ACOX1: variants seen among roughly 807,000 people sequenced by gnomAD.
ACOX1 encodes the protein peroxisomal acyl-coenzyme A oxidase 1.
A neutral mutation model predicts 75.5 loss-of-function variants in ACOX1; 41 were observed. The observed-to-expected ratio is 0.54, with a 90% CI of 0.42 to 0.70. The LOEUF is 0.70. Ranked by LOEUF, ACOX1 falls within the 30% of genes least tolerant of loss-of-function variation. ACOX1 has a pLI of 0.00. For synonymous variants in ACOX1, 303 were observed against 298.8 expected (o/e 1.01, Z -0.15); for missense variants, 630 against 837.5 (o/e 0.75, Z 3.06).
In ACOX1 at chr17:75,943,610, C is replaced by T. The variant is rs1211491541; in HGVS notation, c.*3138G>A. On this transcript the variant is annotated 3_prime_UTR_variant, in exon 14 of 14. Transcript: ENST00000293217. ...TTCAGGTGTATGTGATCTGAAATTA[C>T]AAGTGGTGACTTCTCAGAAAGCATA... The T allele has an allele frequency of 6.6e-6, 1 of 152,210 alleles. No individual in the cohort carries two copies. The highest frequency in any genetic ancestry group is 2.4e-5 in the African/African-American group (1 of 41,460). The allele number at this position is 152,210 out of a possible 1,614,324, so 9.4% of individuals were successfully genotyped here. A position where few individuals can be genotyped will look rare whatever the true frequency, so the allele number is the denominator to read the frequency against.
intron 2 of ACOX1, among the ~76,000 whole-genome samples, chr17:75,970,526 G>C (rs188707421): frequency 1.3e-5 from 2 of 152,290 alleles, no homozygotes; most frequent in Admixed American, 1.3e-4. Flanking sequence ...ACTCTAGAAA[G>C]AAGGATAATG....
chr17:75,953,496 G>A lies in ACOX1; in HGVS notation c.899C>T (p.Ala300Val). 6.2e-7 allele frequency: 1 copy of A among 1,614,138 alleles called. No homozygotes were observed. The highest frequency in any genetic ancestry group is 8.5e-7 in the Non-Finnish European group (1 of 1,179,994). Residue 300 changes from alanine to valine, a missense_variant, in exon 7 of 14, where the codon GCC (alanine) becomes GTC (valine). This residue lies in a region of ACOX1 where 390 missense variants were observed against 574.9 expected (regional missense o/e 0.68). Coordinates refer to ENST00000293217, the MANE Select transcript of ACOX1 (RefSeq NM_004035.7). ...ARALSKACTI[A>V]IRYSAVRHQS... ...GTGCCTCACAGCGCTGTATCGGATG[G>A]CAATGGTGCACGCCTTAGACAGAGC...
In ACOX1 at chr17:75,942,311, A is replaced by G. The variant is rs2065678475; in HGVS notation, c.*4437T>C. On this transcript the variant is annotated 3_prime_UTR_variant, in exon 14 of 14. Coordinates refer to ENST00000293217, the MANE Select transcript of ACOX1 (RefSeq NM_004035.7). ...GACAGGCATGGTGGCAGGCGCTGTA[A>G]TCCCAGCTTCTCAGGAGGCTGAGGC... 6.6e-6 allele frequency: 1 copy of G among 151,810 alleles called. No homozygotes were observed. 9.4% of individuals were successfully genotyped at this position (151,810 alleles called of 1,614,324 possible). A position where few individuals can be genotyped will look rare whatever the true frequency, so the allele number is the denominator to read the frequency against.
At chr17:75,975,050 C>CAAAAAAAAAAA (rs1022347068) in intron 2 of ACOX1, among the ~76,000 whole-genome samples, 2 of 40,268 alleles carry the variant, frequency 5.0e-5, no homozygotes, top group Non-Finnish European at 9.5e-5. Flanking sequence ...ACTCTGTCTC[C>CAAAAAAAAAAA]AAAAAAAAAA....
chr17:75,952,431 A>G (rs932441644), intron 7 of ACOX1, among the ~76,000 whole-genome samples: 1 of 151,538 alleles, frequency 6.6e-6, no homozygotes, highest in African/African-American at 2.4e-5. Context: ...AGTAGCTGGA[A>G]TTACAGGCAC....
At position 75,942,658 on chromosome 17, in the gene ACOX1, CCTCT is replaced by C. The variant is rs1321201968; in HGVS notation, c.*4086_*4089del. 1.3e-5 allele frequency: 2 copies of C among 152,054 alleles called. No individual in the cohort carries two copies. Among genetic ancestry groups the C allele is most frequent in the Non-Finnish European group, 2.9e-5 (2 of 68,030 alleles). The allele number at this position is 152,054 out of a possible 1,614,324, so 9.4% of individuals were successfully genotyped here. A position where few individuals can be genotyped will look rare whatever the true frequency, so the allele number is the denominator to read the frequency against. On this transcript the variant is annotated 3_prime_UTR_variant, in exon 14 of 14. Transcript: ENST00000293217. ...AGGTCATCAGTTTCCTGGCACTCCT[CCTCT>C]CTCTAGCTGTAGTAGCAGCTACTGC...
At chr17:75,965,063 G>A (rs1183380579) in intron 2 of ACOX1, among the ~76,000 whole-genome samples, 3 of 152,118 alleles carry the variant, frequency 2.0e-5, no homozygotes, top group South Asian at 2.1e-4. Context: ...GCACTCAGGC[G>A]TGGTGGCTCA....
rs4267337 is a variant in ACOX1, at chr17:75,956,169, G to A, written c.539-222C>T. Among the ~76,000 whole-genome samples the A allele has an allele frequency of 0.067, 10,229 of 152,034 alleles. 1,037 individuals are homozygous for A. The highest frequency in any genetic ancestry group is 0.22 in the African/African-American group (9,200 of 41,452). The stretch of plus-strand genomic sequence containing the variant: ...TTCTACTTATTTCTCATACATTTAC[G>A]TAGAGAAAATTTTAGGATAAAAATA... On this transcript the variant is annotated intron_variant, in intron 4 of 13. Coordinates refer to ENST00000293217, the MANE Select transcript of ACOX1 (RefSeq NM_004035.7).
intron 3 of ACOX1, among the ~76,000 whole-genome samples, chr17:75,958,670 T>C (rs1404025697): frequency 6.6e-6 from 1 of 151,784 alleles, no homozygotes; most frequent in Non-Finnish European, 1.5e-5. Context: ...TAGCTGGGCA[T>C]GGTGGTGGGT....
intron 2 of ACOX1, among the ~76,000 whole-genome samples, chr17:75,961,292 C>CAAA (rs34895245): frequency 3.0e-4 from 20 of 65,748 alleles, no homozygotes; most frequent in Non-Finnish European, 6.2e-4. Flanking sequence ...GACTCCATCT[C>CAAA]AAAAAAAAAA....
At position 75,942,052 on chromosome 17, in the gene ACOX1, ACT is replaced by A. The variant is rs2065675065; in HGVS notation, c.*4694_*4695del. Reference sequence around the variant, plus strand: ...CATATGCAACAGCTAACATCTGGTAACTCTAATAATGTTCCTTATATGTTTCT... The same window carrying A: ...CATATGCAACAGCTAACATCTGGTAACTAATAATGTTCCTTATATGTTTCT... On this transcript the variant is annotated 3_prime_UTR_variant, in exon 14 of 14. Coordinates refer to ENST00000293217, the MANE Select transcript of ACOX1 (RefSeq NM_004035.7). The A allele has an allele frequency of 6.6e-6, 1 of 152,196 alleles. No homozygotes were observed. Among genetic ancestry groups the A allele is most frequent in the East Asian group, 1.9e-4 (1 of 5,198 alleles). 9.4% of individuals were successfully genotyped at this position (152,196 alleles called of 1,614,324 possible).
chr17:75,955,681 C>T lies in ACOX1; in HGVS notation c.659G>A (p.Gly220Glu). ...REIGTHKPLP[G>E]ITVGDIGPKF... The stretch of plus-strand genomic sequence containing the variant: ...GGGGCCGATGTCACCAACGGTAATT[C>T]CTACCACAGATGAAAGGACAGTCAC... The change falls in exon 6 of 14, where the codon GGA (glycine) becomes GAA (glutamate). Residue 220 changes from glycine (G) to glutamate (E), a missense_variant and splice_region_variant. Coordinates refer to ENST00000293217, the MANE Select transcript of ACOX1 (RefSeq NM_004035.7). 6.2e-7 allele frequency: 1 copy of T among 1,613,702 alleles called. No individual in the cohort carries two copies. The highest frequency in any genetic ancestry group is 1.1e-5 in the South Asian group (1 of 91,078).
chr17:75,957,008 T>TATATACAC (rs1555617568), intron 4 of ACOX1, among the ~76,000 whole-genome samples: 6 of 110,200 alleles, frequency 5.4e-5, no homozygotes, highest in African/African-American at 2.2e-4. Flanking sequence ...TATATATATA[T>TATATACAC]ACACACACAC....
intron 6 of ACOX1, among the ~76,000 whole-genome samples, chr17:75,954,534 A>AGG (rs374978251): frequency 0.041 from 5,780 of 142,620 alleles, 487 homozygotes; most frequent in African/African-American, 0.14. Context: ...AAAAAAAAAA[A>AGG]GGGGCATCAG....
intron 6 of ACOX1, among the ~76,000 whole-genome samples, chr17:75,954,299 TC>T (rs1307737092): frequency 6.8e-6 from 1 of 147,356 alleles, no homozygotes; most frequent in Non-Finnish European, 1.5e-5. Flanking sequence ...GGCAAGAGGG[TC>T]CCCTGAGGTC....
intron 2 of ACOX1, among the ~76,000 whole-genome samples, chr17:75,975,342 A>C (rs1360131124): frequency 6.6e-6 from 1 of 151,892 alleles, no homozygotes; most frequent in Non-Finnish European, 1.5e-5. Context: ...ATTTTAGTAG[A>C]GAAGGCGTTT....
chr17:75,970,807 G>A (rs2065986936), intron 2 of ACOX1, among the ~76,000 whole-genome samples: 1 of 152,168 alleles, frequency 6.6e-6, no homozygotes, highest in Admixed American at 6.5e-5. Flanking sequence ...GACTTTTTGT[G>A]TATTCCATAT....
At position 75,949,098 on chromosome 17, in the gene ACOX1, A is replaced by G. The variant is rs540177918; in HGVS notation, c.1728+119T>C. The stretch of plus-strand genomic sequence containing the variant: ...CTTGAACTCCTGACCTCAAGTGATC[A>G]CCGTACCCGCCTTGGGCTCCCAAAG... On this transcript the variant is annotated intron_variant, in intron 12 of 13. Coordinates refer to ENST00000293217, the MANE Select transcript of ACOX1 (RefSeq NM_004035.7). The G allele has an allele frequency of 1.7e-5, 20 of 1,165,798 alleles. No individual in the cohort carries two copies. The East Asian group carries it at 4.2e-4, about 24-fold the overall frequency. The allele number at this position is 1,165,798 out of a possible 1,614,324, so 72.2% of individuals were successfully genotyped here. A position where few individuals can be genotyped will look rare whatever the true frequency, so the allele number is the denominator to read the frequency against.
At chr17:75,952,060 T>C (rs1222289514) in intron 7 of ACOX1, among the ~76,000 whole-genome samples, 1 of 152,148 alleles carries the variant, frequency 6.6e-6, no homozygotes, top group East Asian at 1.9e-4. Flanking sequence ...AGTCCATATC[T>C]GTCCTAGTCT....
Sources: gnomAD v4.1 joint callset for allele counts (sites outside exome capture counted in the v4.1 genomes callset) on GRCh38, gnomAD v4.1.1 for gene constraint, gnomAD v4.1.1 regional missense constraint, MANE v1.5 for transcripts, NCBI Gene and HGNC (gene_info 2026-07-23, HGNC 2026-07-21) for gene names.